Variants in RBM34 observed in about 807,000 individuals in gnomAD.
RBM34 encodes RNA-binding protein 34.
A neutral mutation model predicts 44.6 loss-of-function variants in RBM34; 39 were observed. The observed-to-expected ratio is 0.87, with a 90% confidence interval of 0.68 to 1.14. The LOEUF (loss-of-function observed/expected upper bound fraction) is 1.14. Ranked by LOEUF, RBM34 falls within the 50% of genes most tolerant of loss-of-function variation. The pLI is 0.00. For synonymous variants in RBM34, 194 were observed against 184.0 expected, an observed-to-expected ratio of 1.05 and a Z score of -0.44; for missense variants, 572 against 517.9, an observed-to-expected ratio of 1.10 and a Z score of -1.01.
In RBM34 at chr1:235,131,614, T is replaced by C; in HGVS notation, c.*99A>G. 3.0e-6 allele frequency: 4 copies of C among 1,315,124 alleles called. No individual in the cohort carries two copies. Among genetic ancestry groups the C allele is most frequent in the Non-Finnish European group, 4.2e-6 (4 of 956,014 alleles). 81.5% of individuals were successfully genotyped at this position (1,315,124 alleles called of 1,614,324 possible). On this transcript the variant is annotated 3_prime_UTR_variant, in exon 11 of 11. Coordinates refer to ENST00000408888, the MANE Select transcript of RBM34 (RefSeq NM_015014.4). ...TTCACATACACCATCCATAAAGAAG[T>C]ATAAAACTCAACACATGAATAGCAG...
intron 3 of RBM34, among the ~76,000 whole-genome samples, chr1:235,156,396 T>G (rs536759095): frequency 1.3e-5 from 2 of 152,162 alleles, no homozygotes; most frequent in Non-Finnish European, 2.9e-5. Flanking sequence ...CACTTAAAGC[T>G]CTTGGAGATT....
In RBM34 at chr1:235,160,252, AAAAC is replaced by A. The variant is rs1262181567; in HGVS notation, c.365+255_365+258del. ...GGGCGTGGCATCAAGACTCCATCTC[AAAAC>A]AAACAAAAACAAATAATGAGGGGGT... On this transcript the variant is annotated intron_variant, in intron 3 of 10. Transcript: ENST00000408888. The A allele has an allele frequency of 6.8e-6, 4 of 590,178 alleles. No homozygotes were observed. The African/African-American group carries it at 7.3e-5, about 11-fold the overall frequency. The allele number at this position is 590,178 out of a possible 1,614,324, so 36.6% of individuals were successfully genotyped here. A position where few individuals can be genotyped will look rare whatever the true frequency, so the allele number is the denominator to read the frequency against.
chr1:235,150,224 G>A (rs1572160512), intron 5 of RBM34, among the ~76,000 whole-genome samples: 1 of 152,046 alleles, frequency 6.6e-6, no homozygotes, highest in Non-Finnish European at 1.5e-5. Context: ...ACAGGCCCCC[G>A]CCACCATGCC....
intron 3 of RBM34, chr1:235,156,798 G>C (rs1250589138): frequency 3.1e-6 from 1 of 324,084 alleles, no homozygotes; most frequent in Non-Finnish European, 6.2e-6. Context: ...AGGATACAAA[G>C]ATAAAGAAAC....
chr1:235,152,816 A>G (rs761636469), intron 4 of RBM34, 51 bp from the exon 5 acceptor site: 3 of 1,436,946 alleles, frequency 2.1e-6, no homozygotes, highest in Admixed American at 2.2e-5. Context: ...AACATCAAAT[A>G]AGTGCTACAA....
chr1:235,133,389 AC>A (rs1410163032), intron 10 of RBM34, among the ~76,000 whole-genome samples: 1 of 152,226 alleles, frequency 6.6e-6, no homozygotes, highest in Admixed American at 6.5e-5. Context: ...ACAGGGAAAA[AC>A]AGAGAATTCT....
chr1:235,147,130 C>G (rs994176139), intron 6 of RBM34, among the ~76,000 whole-genome samples: 4 of 152,226 alleles, frequency 2.6e-5, no homozygotes, highest in Middle Eastern at 3.4e-3. Context: ...ACTGGGGACA[C>G]TGAGATGGAA....
chr1:235,150,636 C>A (rs925327857), intron 5 of RBM34, among the ~76,000 whole-genome samples: 1 of 152,086 alleles, frequency 6.6e-6, no homozygotes, highest in Non-Finnish European at 1.5e-5. Context: ...CAGGGCCACA[C>A]TGGAGAACTG....
chr1:235,137,969 T>A, intron 7 of RBM34, 29 bp from the exon 8 acceptor site: 2 of 1,580,226 alleles, frequency 1.3e-6, no homozygotes, highest in Non-Finnish European at 1.7e-6. Flanking sequence ...GGGAAAATGG[T>A]TGTTAAAAAT....
intron 8 of RBM34, among the ~76,000 whole-genome samples, chr1:235,136,522 T>C (rs1042100608): frequency 3.9e-5 from 6 of 152,218 alleles, no homozygotes; most frequent in African/African-American, 1.4e-4. Flanking sequence ...AGCACGTAGA[T>C]TTGGCTCTCT....
rs1310958378 is a variant in RBM34, at chr1:235,154,893, T to C, written c.585A>G (p.Thr195=). Residue 195 remains threonine (T), a synonymous_variant, in exon 4 of 11, where the codon ACA becomes ACG. Coordinates refer to ENST00000408888, the MANE Select transcript of RBM34 (RefSeq NM_015014.4). The stretch of plus-strand genomic sequence containing the variant: ...TATACAAACTCACCTTCTTATTACA[T>C]GTAACAGGCAAATTCCCAACAAACA... The part of the protein sequence containing the change: ...RTVFVGNLPV[T]CNKKKLKSFF... 1.3e-5 allele frequency: 21 copies of C among 1,612,992 alleles called. No individual in the cohort carries two copies. The East Asian group carries it at 2.5e-4, about 19-fold the overall frequency.
intron 5 of RBM34, among the ~76,000 whole-genome samples, chr1:235,150,479 C>A (rs191954347): frequency 4.6e-5 from 7 of 152,170 alleles, no homozygotes; most frequent in African/African-American, 1.4e-4. Context: ...ATCGGAAAAG[C>A]TTTGAAGAAG....
At chr1:235,138,397 G>A (rs1246869550) in intron 6 of RBM34, among the ~76,000 whole-genome samples, 5 of 152,098 alleles carry the variant, frequency 3.3e-5, no homozygotes, top group Non-Finnish European at 5.9e-5. Context: ...ACTTTCTTAG[G>A]AATCATAACC....
chr1:235,134,332 A>G (rs1354152611), intron 10 of RBM34, among the ~76,000 whole-genome samples: 6 of 151,960 alleles, frequency 3.9e-5, no homozygotes, highest in African/African-American at 9.7e-5. Context: ...CCTTACTTGT[A>G]TATTTTTTTG....
chr1:235,155,860 T>TATATATAC (rs1662413462), intron 3 of RBM34, among the ~76,000 whole-genome samples: 9 of 39,854 alleles, frequency 2.3e-4, no homozygotes, highest in African/African-American at 1.4e-3. Flanking sequence ...TATATATATA[T>TATATATAC]ATATATACAT....
intron 6 of RBM34, among the ~76,000 whole-genome samples, chr1:235,146,489 G>A (rs1024899739): frequency 6.6e-6 from 1 of 152,180 alleles, no homozygotes; most frequent in South Asian, 2.1e-4. Flanking sequence ...ACTGTTTTAT[G>A]TGGGAAGAAG....
At chr1:235,143,463 C>T (rs1191292282) in intron 6 of RBM34, among the ~76,000 whole-genome samples, 2 of 152,168 alleles carry the variant, frequency 1.3e-5, no homozygotes, top group African/African-American at 2.4e-5. Flanking sequence ...GGGCCGGGTG[C>T]GATGGCTCAC....
intron 5 of RBM34, 94 bp from the exon 6 acceptor site, chr1:235,148,541 C>T: frequency 2.4e-6 from 2 of 834,840 alleles, no homozygotes; most frequent in South Asian, 2.1e-5. Context: ...AACTCCAGTA[C>T]ACTGTGATCA....
chr1:235,133,382 G>A (rs533830930), intron 10 of RBM34, among the ~76,000 whole-genome samples: 1 of 152,192 alleles, frequency 6.6e-6, no homozygotes, highest in South Asian at 2.1e-4. Context: ...CATTATTACA[G>A]GGAAAAACAG....
Sources: gnomAD v4.1 joint callset for allele counts (sites outside exome capture counted in the v4.1 genomes callset) on GRCh38, gnomAD v4.1.1 for gene constraint, MANE v1.5 for transcripts, NCBI Gene and HGNC (gene_info 2026-07-23, HGNC 2026-07-21) for gene names.